The following CACNA2D3 variants were observed in gnomAD, a reference collection of about 807,000 sequenced individuals.
The protein encoded by CACNA2D3 is calcium voltage-gated channel auxiliary subunit alpha2delta 3.
A neutral mutation model predicts 160.6 loss-of-function variants in CACNA2D3; 60 were observed. The observed-to-expected ratio is 0.37, with a 90% CI of 0.30 to 0.46. The LOEUF is 0.46. Among genes scored for constraint, CACNA2D3 ranks in the 20% least tolerant of loss-of-function variants. The probability of loss-of-function intolerance (pLI) is 1.00; values close to 1 mark genes in which losing one functional copy is unlikely to be tolerated. For missense variants in CACNA2D3, 1,205 were observed against 1,365.0 expected (o/e 0.88, Z 1.85); for synonymous variants, 558 against 492.9 (o/e 1.13, Z -1.75).
At chr3:54,363,244 G>T (rs1023665015) in intron 3 of CACNA2D3, among the ~76,000 whole-genome samples, 1 of 151,924 alleles carries the variant, frequency 6.6e-6, no homozygotes, top group African/African-American at 2.4e-5. Context: ...TGCATTTTAT[G>T]AAAGTATTAT....
intron 4 of CACNA2D3, among the ~76,000 whole-genome samples, chr3:54,405,217 T>C (rs1699552644): frequency 2.9e-5 from 4 of 138,880 alleles, no homozygotes; most frequent in African/African-American, 8.1e-5. Context: ...GTAAAAACCC[T>C]AAAATTTATG....
chr3:54,822,890 T>C (rs1480991552), intron 14 of CACNA2D3, among the ~76,000 whole-genome samples: 2 of 150,532 alleles, frequency 1.3e-5, no homozygotes, highest in Admixed American at 6.7e-5. Context: ...GATTAGCTCA[T>C]GTTGCCTGTG....
At chr3:54,139,318 G>A (rs539428917) in intron 2 of CACNA2D3, among the ~76,000 whole-genome samples, 229 of 152,346 alleles carry the variant, frequency 1.5e-3, no homozygotes, top group African/African-American at 4.9e-3. Flanking sequence ...AGGCATGCAC[G>A]GGCTGCTGTC....
At chr3:54,419,220 G>A (rs547096530) in intron 4 of CACNA2D3, among the ~76,000 whole-genome samples, 1 of 152,148 alleles carries the variant, frequency 6.6e-6, no homozygotes, top group Non-Finnish European at 1.5e-5. Context: ...CACAGGATGG[G>A]GTGTCCTGTG....
chr3:54,964,609 T>A (rs1490993386), intron 27 of CACNA2D3, among the ~76,000 whole-genome samples: 4 of 151,906 alleles, frequency 2.6e-5, no homozygotes, highest in African/African-American at 7.3e-5. Context: ...AGGGAGAGAG[T>A]GGGACTCACT....
intron 4 of CACNA2D3, among the ~76,000 whole-genome samples, chr3:54,452,781 G>A (rs1700330644): frequency 6.6e-6 from 1 of 152,098 alleles, no homozygotes; most frequent in Non-Finnish European, 1.5e-5. Context: ...TCAGCAGGGC[G>A]ATGCTCCCTC....
intron 29 of CACNA2D3, among the ~76,000 whole-genome samples, chr3:54,980,768 C>T (rs185648801): frequency 6.6e-6 from 1 of 152,224 alleles, no homozygotes; most frequent in Non-Finnish European, 1.5e-5. Context: ...TTTCAAAAAT[C>T]AAAGAAGCAG....
chr3:54,664,100 C>T (rs1420159183), intron 11 of CACNA2D3, among the ~76,000 whole-genome samples: 3 of 152,216 alleles, frequency 2.0e-5, no homozygotes, highest in South Asian at 2.1e-4. Context: ...GCCGAATCGG[C>T]GATGGCAAAG....
chr3:54,736,140 T>C lies in CACNA2D3; in HGVS notation c.1168-16459T>C, dbSNP rs940277940. ...ATATACATATATATATGTATATATATACACACACACACACACACACACACA... is the reference window on the plus strand; with the variant it reads ...ATATACATATATATATGTATATATACACACACACACACACACACACACACA... On this transcript the variant is annotated intron_variant, in intron 11 of 37. Coordinates refer to ENST00000474759, the MANE Select transcript of CACNA2D3 (RefSeq NM_018398.3). Among the ~76,000 whole-genome samples, 138 of 80,628 alleles carry C rather than the reference T, an allele frequency of 1.7e-3. 3 individuals carry two copies. The highest frequency in any genetic ancestry group is 2.3e-3 in the Non-Finnish European group (91 of 39,548). 52.9% of individuals were successfully genotyped at this position (80,628 alleles called of 152,430 possible).
chr3:54,441,734 A>T (rs1700147900), intron 4 of CACNA2D3, among the ~76,000 whole-genome samples: 1 of 152,236 alleles, frequency 6.6e-6, no homozygotes, highest in African/African-American at 2.4e-5. Flanking sequence ...TTCTAGTTCA[A>T]TTCAAAAAAC....
chr3:54,882,126 ACT>A (rs1201501180), intron 21 of CACNA2D3, among the ~76,000 whole-genome samples: 1 of 152,076 alleles, frequency 6.6e-6, no homozygotes, highest in Non-Finnish European at 1.5e-5. Flanking sequence ...TGAGCAAGAC[ACT>A]CTGCAGGATG....
At chr3:54,983,125 T>C (rs1702542639) in intron 29 of CACNA2D3, among the ~76,000 whole-genome samples, 1 of 152,208 alleles carries the variant, frequency 6.6e-6, no homozygotes, top group Non-Finnish European at 1.5e-5. Flanking sequence ...TTGTCTGTTA[T>C]GACCCAATGT....
chr3:54,272,159 A>G (rs1233464991), intron 2 of CACNA2D3, among the ~76,000 whole-genome samples: 1 of 152,192 alleles, frequency 6.6e-6, no homozygotes, highest in East Asian at 1.9e-4. Flanking sequence ...CCCATCCACA[A>G]GGAAGCTGGT....
At chr3:54,880,926 TG>T (rs1315844882) in intron 21 of CACNA2D3, 63 bp downstream of exon 21, 1 of 1,366,610 alleles carries the variant, frequency 7.3e-7, no homozygotes, top group Admixed American at 1.7e-5. Flanking sequence ...AGCTAGCTAC[TG>T]AGTTAGCTGA....
intron 4 of CACNA2D3, among the ~76,000 whole-genome samples, chr3:54,477,914 G>A (rs2106890694): frequency 6.6e-6 from 1 of 152,208 alleles, no homozygotes; most frequent in East Asian, 1.9e-4. Flanking sequence ...ATATTCACTT[G>A]GGATATTGAA....
intron 35 of CACNA2D3, among the ~76,000 whole-genome samples, chr3:55,019,380 G>A (rs1466451704): frequency 2.6e-5 from 4 of 151,714 alleles, no homozygotes; most frequent in Admixed American, 2.6e-4. Context: ...TAAAATTTCT[G>A]TAAGTGATAG....
intron 8 of CACNA2D3, among the ~76,000 whole-genome samples, chr3:54,574,411 C>A (rs1702549174): frequency 6.6e-6 from 1 of 152,096 alleles, no homozygotes; most frequent in Admixed American, 6.5e-5. Context: ...TAATATTATA[C>A]TGAAAAGTTT....
chr3:54,320,557 G>C lies in CACNA2D3; in HGVS notation c.320G>C (p.Arg107Thr). The change falls in exon 3 of 38, where the codon AGG becomes ACG. Residue 107 changes from arginine (R) to threonine (T), a missense_variant and splice_region_variant. By Grantham distance (71) the Arg-to-Thr change is moderately conservative. This residue lies in a region of CACNA2D3 where 163 missense variants were observed against 161.3 expected (regional missense o/e 1.01). Transcript: ENST00000474759. ...TTTCACAAGAAGTCTGAGGCCGTCA[G>C]GGTAAGTGCCTATGTTTTGTGCCCT... ...EMFHKKSEAV[R>T]RLVEAAEEAH... 1 of 1,537,160 alleles carries C rather than the reference G, an allele frequency of 6.5e-7. No homozygotes were observed. The highest frequency in any genetic ancestry group is 8.8e-7 in the Non-Finnish European group (1 of 1,134,842).
chr3:54,404,459 T>C (rs2106709701), intron 4 of CACNA2D3, among the ~76,000 whole-genome samples: 1 of 152,158 alleles, frequency 6.6e-6, no homozygotes, highest in South Asian at 2.1e-4. Context: ...CTCTTAACAG[T>C]TTAGGTATAG....
Sources: allele counts gnomAD v4.1 joint callset (sites outside exome capture counted in the v4.1 genomes callset), GRCh38; gene constraint gnomAD v4.1.1; regional missense constraint gnomAD v4.1.1; transcripts MANE v1.5; gene names NCBI Gene and HGNC (gene_info 2026-07-23, HGNC 2026-07-21).